ABHD6: variants seen among roughly 807,000 people sequenced by gnomAD.
ABHD6 encodes the protein monoacylglycerol lipase ABHD6.
A neutral mutation model predicts 38.8 loss-of-function variants in ABHD6; 33 were observed. The ratio of observed to expected loss-of-function variants is 0.85; its 90% confidence interval spans 0.64 to 1.14. The LOEUF (loss-of-function observed/expected upper bound fraction) is 1.14, where lower values mean the gene tolerates loss of function less well. ABHD6 is among the 50% of genes most tolerant of loss of function. ABHD6 has a pLI of 0.00. For missense variants in ABHD6, 380 were observed against 422.6 expected (o/e 0.90, Z 0.88); for synonymous variants, 147 against 161.6 (o/e 0.91, Z 0.69).
In ABHD6 at chr3:58,257,562, C is replaced by T. The variant is rs7614726; in HGVS notation, c.119+857C>T. On this transcript the variant is annotated intron_variant, in intron 3 of 9. Transcript: ENST00000478253. The surrounding 1 kb of genome is among the most constrained non-coding windows in gnomAD (Gnocchi z 4.8). ...ATTTTTAGTAGAGACAGGCTTTTGC[C>T]GTATTGGCCAAGCTGGTCTCAAACT... Among the ~76,000 whole-genome samples, 62,592 of 151,738 alleles carry T rather than the reference C, an allele frequency of 0.41. 13,745 individuals are homozygous for T. Among genetic ancestry groups the T allele is most frequent in the African/African-American group, 0.56 (23,313 of 41,356 alleles).
At chr3:58,241,892 AT>A (rs1212495999) in intron 1 of ABHD6, among the ~76,000 whole-genome samples, 1 of 152,202 alleles carries the variant, frequency 6.6e-6, no homozygotes, top group East Asian at 1.9e-4. Context: ...CTGAGGTAGA[AT>A]TCTAAGAGGT....
chr3:58,293,454 G>T lies in ABHD6; in HGVS notation c.838-135G>T. On this transcript the variant is annotated intron_variant, in intron 9 of 9. Coordinates refer to ENST00000478253, the MANE Select transcript of ABHD6 (RefSeq NM_001320126.2). The surrounding 1 kb of genome is among the most constrained non-coding windows in gnomAD (Gnocchi z 4.4). Reference sequence around the variant, plus strand: ...GACAGCCACAAGCCCCAACACCAAAGGGACTTGGTCCTAAAATTCACATCC... The same window carrying T: ...GACAGCCACAAGCCCCAACACCAAATGGACTTGGTCCTAAAATTCACATCC... 1 of 861,926 alleles carries T rather than the reference G, an allele frequency of 1.2e-6. No homozygotes were observed. The highest frequency in any genetic ancestry group is 1.7e-6 in the Non-Finnish European group (1 of 573,112). 53.4% of individuals were successfully genotyped at this position (861,926 alleles called of 1,614,324 possible). A position where few individuals can be genotyped will look rare whatever the true frequency, so the allele number is the denominator to read the frequency against.
intron 9 of ABHD6, among the ~76,000 whole-genome samples, chr3:58,289,643 A>C (rs1013066488): frequency 5.1e-4 from 78 of 152,322 alleles, no homozygotes; most frequent in African/African-American, 1.4e-3. Context: ...CTCTTTCTAC[A>C]CAGACACGGC....
chr3:58,293,750 C>G lies in ABHD6; in HGVS notation c.999C>G (p.Asn333Lys), dbSNP rs752165405. The change falls in exon 10 of 10, where the codon AAC becomes AAG. Residue 333 changes from asparagine (N) to lysine (K), a missense_variant. Physicochemically the swap from Asn to Lys is moderately conservative, Grantham distance 94. Transcript: ENST00000478253. The surrounding 1 kb of genome is among the most constrained non-coding windows in gnomAD (Gnocchi z 4.4). The stretch of plus-strand genomic sequence containing the variant: ...CTTCTGTGCACAACACAGACAACAA[C>G]AAGAAGCTGGACTGAGGCCCCGACT... Reference protein sequence around the residue: ...FLASVHNTDNNKKLD With the variant: ...FLASVHNTDNKKKLD 16 of 1,614,148 alleles carry G rather than the reference C, an allele frequency of 9.9e-6. No homozygotes were observed. Among genetic ancestry groups the G allele is most frequent in the East Asian group, 6.7e-5 (3 of 44,884 alleles).
intron 1 of ABHD6, 77 bp downstream of exon 1, chr3:58,237,993 C>G (rs1220077447): frequency 6.6e-6 from 1 of 152,510 alleles, no homozygotes; most frequent in Non-Finnish European, 1.5e-5. Flanking sequence ...TGACCTCTCC[C>G]CCAGTGTCTC....
intron 4 of ABHD6, among the ~76,000 whole-genome samples, chr3:58,268,498 G>A: frequency 6.6e-6 from 1 of 152,192 alleles, no homozygotes; most frequent in East Asian, 1.9e-4. Context: ...GATCAGGTGT[G>A]AAGGTTGGGG....
chr3:58,290,054 C>A (rs1488211020), intron 9 of ABHD6, among the ~76,000 whole-genome samples: 1 of 136,802 alleles, frequency 7.3e-6, no homozygotes, highest in Non-Finnish European at 1.6e-5. Flanking sequence ...ACATCCCCAC[C>A]TCCCTCCCGG....
intron 3 of ABHD6, among the ~76,000 whole-genome samples, chr3:58,262,358 T>C (rs1212905429): frequency 2.6e-4 from 39 of 152,204 alleles, no homozygotes. Context: ...AATCTGTAAG[T>C]ACTTTTCTTC....
intron 7 of ABHD6, among the ~76,000 whole-genome samples, chr3:58,277,524 G>C (rs1183237163): frequency 1.3e-5 from 2 of 152,168 alleles, no homozygotes; most frequent in African/African-American, 4.8e-5. Flanking sequence ...GAGACGATGG[G>C]ATTTTCTAAA....
Position 58,285,567 on chromosome 3 carries a change from G to A in ABHD6, c.837+114G>A. ...GGAGTGAGCTGATCGCTGCTGTCAG[G>A]AAGAGGGGGAAGGCACCTGTGTTGG... is the stretch of plus-strand genomic sequence containing the variant. On this transcript the variant is annotated intron_variant, in intron 9 of 9. Transcript: ENST00000478253. This position sits in a 1 kb window ranked among gnomAD's most constrained non-coding sequence, Gnocchi z 4.9. 1 of 884,208 alleles carries A rather than the reference G, an allele frequency of 1.1e-6. No homozygotes were observed. 54.8% of individuals were successfully genotyped at this position (884,208 alleles called of 1,614,324 possible). A position where few individuals can be genotyped will look rare whatever the true frequency, so the allele number is the denominator to read the frequency against.
intron 7 of ABHD6, among the ~76,000 whole-genome samples, chr3:58,276,037 C>A (rs1429283384): frequency 6.6e-6 from 1 of 152,120 alleles, no homozygotes; most frequent in African/African-American, 2.4e-5. Flanking sequence ...TGGGTTGGTT[C>A]CAAGTCTTTG....
intron 9 of ABHD6, among the ~76,000 whole-genome samples, chr3:58,288,062 T>TA (rs2097458758): frequency 6.6e-6 from 1 of 152,220 alleles, no homozygotes. Flanking sequence ...AAAAAGAGCC[T>TA]AACATTCTAT....
rs3038091 is a variant in ABHD6, at chr3:58,271,766, G to GTTTTTTTTTTTTTTTTTTTTT, written c.523+706_523+726dup. ...CTCTCCTCTATCTCCCCCTCTCTCTGTTTTTTTTTTTTTTTTTTTTTTTTG... is the reference window on the plus strand; with the variant it reads ...CTCTCCTCTATCTCCCCCTCTCTCTGTTTTTTTTTTTTTTTTTTTTTTTTTTTTTTTTTTTTTTTTTTTTTG... On this transcript the variant is annotated intron_variant, in intron 6 of 9. Transcript: ENST00000478253. 1.9e-4 allele frequency among the ~76,000 whole-genome samples: 12 copies of GTTTTTTTTTTTTTTTTTTTTT among 63,632 alleles called. 2 individuals carry two copies. Among genetic ancestry groups the GTTTTTTTTTTTTTTTTTTTTT allele is most frequent in the African/African-American group, 6.4e-4 (9 of 14,014 alleles). 41.7% of individuals were successfully genotyped at this position (63,632 alleles called of 152,430 possible).
intron 6 of ABHD6, 30 bp from the exon 7 acceptor site, chr3:58,274,621 GATGTATC>G: frequency 6.2e-7 from 1 of 1,600,040 alleles, no homozygotes; most frequent in Non-Finnish European, 8.5e-7. Flanking sequence ...TAAGAAGGTG[GATGTATC>G]ATCAAGCCAT....
chr3:58,268,216 A>G (rs994840378), intron 4 of ABHD6, among the ~76,000 whole-genome samples: 1 of 152,226 alleles, frequency 6.6e-6, no homozygotes, highest in Non-Finnish European at 1.5e-5. Flanking sequence ...CTTCTGACAC[A>G]GCTGCATCTC....
chr3:58,284,220 GCAGCCCTCAC>G (rs2097455355), intron 7 of ABHD6, among the ~76,000 whole-genome samples: 1 of 152,152 alleles, frequency 6.6e-6, no homozygotes, highest in Non-Finnish European at 1.5e-5. Flanking sequence ...CACATTGGCT[GCAGCCCTCAC>G]CAGCCCTCAG....
Position 58,265,834 on chromosome 3 carries a change from G to A in ABHD6, c.120-1355G>A, listed in dbSNP as rs2107449114. ...ATAAGAGTGAGCCAGAAGCAAGAGG[G>A]GACCAGACTCACTTTTATCAGGAAT... On this transcript the variant is annotated intron_variant, in intron 3 of 9. Transcript: ENST00000478253. The surrounding 1 kb of genome is among the most constrained non-coding windows in gnomAD (Gnocchi z 4.2). 6.6e-6 allele frequency among the ~76,000 whole-genome samples: 1 copy of A among 152,242 alleles called. No homozygotes were observed. Among genetic ancestry groups the A allele is most frequent in the South Asian group, 2.1e-4 (1 of 4,816 alleles).
In ABHD6 at chr3:58,278,766, CT is replaced by C. The variant is rs368081314; in HGVS notation, c.681+3954del. On this transcript the variant is annotated intron_variant, in intron 7 of 9. Transcript: ENST00000478253. ...GCTATAAATTTCCCTCTACACACTG[CT>C]TTAAATGTGTCCCAGAGATCCTGGT... Among the ~76,000 whole-genome samples, 98 of 152,322 alleles carry C rather than the reference CT, an allele frequency of 6.4e-4. No individual in the cohort carries two copies. The East Asian group carries it at 0.014, about 22-fold the overall frequency.
rs141301704 is a variant in ABHD6, at chr3:58,285,226, T to C, written c.736+87T>C. The C allele has an allele frequency of 1.7e-4, 259 of 1,546,944 alleles. 1 individual carries two copies. In the African/African-American group the frequency reaches 3.0e-3, roughly 18 times the overall value. On this transcript the variant is annotated intron_variant, in intron 8 of 9. Coordinates refer to ENST00000478253, the MANE Select transcript of ABHD6 (RefSeq NM_001320126.2). This position sits in a 1 kb window ranked among gnomAD's most constrained non-coding sequence, Gnocchi z 4.9. Reference sequence around the variant, plus strand: ...TTTATTTCTTAAATCTCTGACACTTTGAATGTCTCTTTGGGCCCCTGAAGA... The same window carrying C: ...TTTATTTCTTAAATCTCTGACACTTCGAATGTCTCTTTGGGCCCCTGAAGA...
Sources: allele counts gnomAD v4.1 joint callset (sites outside exome capture counted in the v4.1 genomes callset), GRCh38; gene constraint gnomAD v4.1.1; non-coding constraint Gnocchi (gnomAD v3.1); transcripts MANE v1.5; gene names NCBI Gene and HGNC (gene_info 2026-07-23, HGNC 2026-07-21).